The following APPL2 variants were observed in gnomAD, a reference collection of about 807,000 sequenced individuals.
APPL2 encodes the protein adaptor protein, phosphotyrosine interacting with PH domain and leucine zipper 2.
In APPL2, 84 loss-of-function variants were observed where a neutral mutation model predicts 92.7. The observed-to-expected ratio is 0.91, with a 90% CI of 0.76 to 1.09. The LOEUF is 1.09. Ranked by LOEUF, APPL2 falls within the 50% of genes least tolerant of loss-of-function variation. The pLI is 0.00. For synonymous variants in APPL2, 291 were observed against 291.0 expected, an observed-to-expected ratio of 1.00 and a Z score of 0.00; for missense variants, 736 against 824.5, an observed-to-expected ratio of 0.89 and a Z score of 1.31.
At chr12:105,189,326 G>A (rs370759080) in intron 16 of APPL2, among the ~76,000 whole-genome samples, 48 of 152,204 alleles carry the variant, frequency 3.2e-4, no homozygotes, top group Middle Eastern at 3.4e-3. Flanking sequence ...CCAGCGTGCC[G>A]GCCATCAGAT....
In APPL2 at chr12:105,189,755, C is replaced by T. The variant is rs754565623; in HGVS notation, c.1459+17G>A. On this transcript the variant is annotated intron_variant, in intron 16 of 20. Transcript: ENST00000258530. The stretch of plus-strand genomic sequence containing the variant: ...TTGTGCAGAGGAAAGAATAAGGACA[C>T]CAAACTAGTCACTTACCTTCTGCTT... 2 of 1,613,630 alleles carry T rather than the reference C, an allele frequency of 1.2e-6. No homozygotes were observed. The highest frequency in any genetic ancestry group is 1.1e-5 in the South Asian group (1 of 91,076).
At chr12:105,200,809 T>A (rs996296247) in intron 9 of APPL2, among the ~76,000 whole-genome samples, 14 of 152,148 alleles carry the variant, frequency 9.2e-5, no homozygotes, top group African/African-American at 3.4e-4. Context: ...GGCTTGGACA[T>A]TCCATATTCC....
At chr12:105,174,883 G>GGGGA (rs1555244833) in intron 20 of APPL2, among the ~76,000 whole-genome samples, 1 of 139,382 alleles carries the variant, frequency 7.2e-6, no homozygotes, top group Non-Finnish European at 1.6e-5. Context: ...TGGTGGGGGG[G>GGGGA]GGGGTGGTGC....
intron 1 of APPL2, 36 bp downstream of exon 1, chr12:105,235,923 C>T: frequency 8.1e-7 from 1 of 1,234,386 alleles, no homozygotes; most frequent in Admixed American, 4.3e-5. Context: ...CGGCCTCACC[C>T]CTGCGGGCGA....
intron 17 of APPL2, among the ~76,000 whole-genome samples, chr12:105,181,383 T>C (rs1436553419): frequency 6.6e-6 from 1 of 152,232 alleles, no homozygotes; most frequent in African/African-American, 2.4e-5. Context: ...TGAGGATTTT[T>C]GCATTGATGT....
intron 2 of APPL2, among the ~76,000 whole-genome samples, chr12:105,220,708 C>T (rs990378464): frequency 2.6e-5 from 4 of 152,122 alleles, no homozygotes; most frequent in Non-Finnish European, 5.9e-5. Context: ...GCAAATGCTC[C>T]GAATGTAATG....
At chr12:105,189,744 G>A (rs1333866378) in intron 16 of APPL2, 28 bp downstream of exon 16, 2 of 1,610,312 alleles carry the variant, frequency 1.2e-6, no homozygotes, top group Non-Finnish European at 8.5e-7. Flanking sequence ...GCAGAGGAAA[G>A]AATAAGGACA....
intron 10 of APPL2, among the ~76,000 whole-genome samples, chr12:105,198,195 G>A (rs1476090698): frequency 1.3e-5 from 2 of 152,072 alleles, no homozygotes; most frequent in East Asian, 1.9e-4. Flanking sequence ...CCGACTCCCC[G>A]CACCACAGCC....
chr12:105,176,867 A>G lies in APPL2; in HGVS notation c.1812+9T>C, dbSNP rs1566044709. The G allele has an allele frequency of 3.1e-6, 5 of 1,612,756 alleles. No individual in the cohort carries two copies. The highest frequency in any genetic ancestry group is 2.2e-5 in the East Asian group (1 of 44,876). On this transcript the variant is annotated intron_variant, in intron 19 of 20. Coordinates refer to ENST00000258530, the MANE Select transcript of APPL2 (RefSeq NM_018171.5). Reference sequence around the variant, plus strand: ...GGGATATTATGGGATCTTCACATGAAAAAGAGACCTTTTCGCCTTCTGAGT... The same window carrying G: ...GGGATATTATGGGATCTTCACATGAGAAAGAGACCTTTTCGCCTTCTGAGT...
intron 1 of APPL2, among the ~76,000 whole-genome samples, chr12:105,232,140 A>C (rs1473311533): frequency 6.6e-6 from 1 of 152,182 alleles, no homozygotes; most frequent in African/African-American, 2.4e-5. Context: ...CTAAATAGCT[A>C]TTTTTATTTT....
At chr12:105,223,494 A>G (rs573508223) in intron 2 of APPL2, among the ~76,000 whole-genome samples, 28 of 150,960 alleles carry the variant, frequency 1.9e-4, no homozygotes, top group African/African-American at 6.4e-4. Flanking sequence ...CTGTCAGAGG[A>G]GCCAATGGAA....
At chr12:105,186,665 C>CGATATCATAT (rs1886702503) in intron 17 of APPL2, among the ~76,000 whole-genome samples, 1 of 109,904 alleles carries the variant, frequency 9.1e-6, no homozygotes, top group African/African-American at 3.7e-5. Flanking sequence ...TCATATATAT[C>CGATATCATAT]ATATATATGA....
intron 17 of APPL2, 166 bp from the exon 18 acceptor site, chr12:105,177,428 CT>C (rs1440378048): frequency 4.1e-5 from 27 of 657,068 alleles, no homozygotes; most frequent in Admixed American, 1.0e-4. Flanking sequence ...TGCTTTCTGC[CT>C]TTAAGGAACC....
At chr12:105,199,298 C>A in intron 10 of APPL2, 75 bp downstream of exon 10, 3 of 1,525,644 alleles carry the variant, frequency 2.0e-6, no homozygotes, top group Admixed American at 1.9e-5. Context: ...TTTAATGAGG[C>A]ACGTAAGATT....
At chr12:105,206,113 CT>C in intron 8 of APPL2, among the ~76,000 whole-genome samples, 1 of 152,186 alleles carries the variant, frequency 6.6e-6, no homozygotes, top group Non-Finnish European at 1.5e-5. Flanking sequence ...GTGAGCTGCA[CT>C]TTTTTTCTCT....
chr12:105,192,405 TCTCAGAGCC>T (rs1377961827), intron 14 of APPL2, among the ~76,000 whole-genome samples: 1 of 152,092 alleles, frequency 6.6e-6, no homozygotes, highest in African/African-American at 2.4e-5. Flanking sequence ...AACACGCACC[TCTCAGAGCC>T]CTTCCACAGC....
intron 9 of APPL2, 32 bp downstream of exon 9, chr12:105,203,671 G>A (rs1274636749): frequency 3.7e-6 from 6 of 1,601,322 alleles, no homozygotes; most frequent in Non-Finnish European, 5.1e-6. Context: ...AAGGCAAGGG[G>A]CACACAAGAC....
At position 105,197,911 on chromosome 12, in the gene APPL2, G is replaced by T. The variant is rs1183156955; in HGVS notation, c.906C>A (p.Phe302Leu). ...LVTTTWERLY[F>L]FTQGGNLMCQ... ...ACATGAGATTCCCGCCTTGGGTGAA[G>T]AAATAAAGCCTCTCCCAGGTGGTGG... is the stretch of plus-strand genomic sequence containing the variant. Residue 302 changes from phenylalanine (F) to leucine (L), a missense_variant, in exon 11 of 21, where the codon TTC becomes TTA. By Grantham distance (22) the Phe-to-Leu change is conservative. Coordinates refer to ENST00000258530, the MANE Select transcript of APPL2 (RefSeq NM_018171.5). The T allele has an allele frequency of 2.5e-6, 4 of 1,614,042 alleles. No individual in the cohort carries two copies. Among genetic ancestry groups the T allele is most frequent in the African/African-American group, 1.3e-5 (1 of 74,922 alleles).
intron 11 of APPL2, 120 bp downstream of exon 11, chr12:105,197,645 A>G: frequency 7.9e-7 from 1 of 1,258,438 alleles, no homozygotes. Flanking sequence ...AAAGGTCAAC[A>G]ATACCCAGAT....
Sources: allele counts gnomAD v4.1 joint callset (sites outside exome capture counted in the v4.1 genomes callset), GRCh38; gene constraint gnomAD v4.1.1; transcripts MANE v1.5; gene names NCBI Gene and HGNC (gene_info 2026-07-23, HGNC 2026-07-21).